COL6A2: variants seen among roughly 807,000 people sequenced by gnomAD.
COL6A2 encodes collagen type VI alpha 2 chain.
Under a neutral mutation model 124.9 loss-of-function variants are expected in COL6A2, and 90 were observed. The observed-to-expected ratio is 0.72, with a 90% CI of 0.61 to 0.86. The LOEUF (loss-of-function observed/expected upper bound fraction) is 0.86. Ranked by LOEUF, COL6A2 falls within the 40% of genes least tolerant of loss-of-function variation. The probability of loss-of-function intolerance (pLI) is 0.00; values close to 1 mark genes in which losing one functional copy is unlikely to be tolerated. For missense variants in COL6A2, 1,607 were observed against 1,502.5 expected (o/e 1.07, Z -1.15); for synonymous variants, 793 against 618.2 (o/e 1.28, Z -4.19).
chr21:46,110,645 T>G (rs2123609957), intron 1 of COL6A2, among the ~76,000 whole-genome samples: 1 of 152,202 alleles, frequency 6.6e-6, no homozygotes, highest in South Asian at 2.1e-4. Context: ...TGGACACTCC[T>G]CCCATCTGCA....
rs770337599 is a variant in COL6A2 at position 46,129,285 on chromosome 21, A to G, written c.2462-2669A>G. On this transcript the variant is annotated intron_variant, in intron 27 of 27. Transcript: ENST00000300527. ...CACCTTCCCCAGGACCATTCCCCTG[A>G]TCCAACAGTTGCTAAACGCCACGGA... The G allele has an allele frequency of 1.9e-6, 3 of 1,612,876 alleles. No homozygotes were observed. The highest frequency in any genetic ancestry group is 2.2e-5 in the East Asian group (1 of 44,862).
rs780123839 is a variant in COL6A2, at chr21:46,112,025, G to T, written c.162G>T (p.Ser54=). The T allele has an allele frequency of 6.2e-7, 1 of 1,612,748 alleles. No individual in the cohort carries two copies. Among genetic ancestry groups the T allele is most frequent in the African/African-American group, 1.3e-5 (1 of 74,888 alleles). Residue 54 remains serine, a synonymous_variant, in exon 3 of 28, where the codon TCG becomes TCT. Coordinates refer to ENST00000300527, the MANE Select transcript of COL6A2 (RefSeq NM_001849.4). The stretch of plus-strand genomic sequence containing the variant: ...ACGTGTACTTCGTGCTGGACACCTC[G>T]GAGAGCGTCACCATGCAGTCCCCCA... ...PIHVYFVLDT[S]ESVTMQSPTD...
rs542298223 is a variant in COL6A2 at position 46,122,726 on chromosome 21, A to G, written c.1609-149A>G. 94 of 898,070 alleles carry G rather than the reference A, an allele frequency of 1.0e-4. 1 individual carries two copies. Among genetic ancestry groups the G allele is most frequent in the Admixed American group, 3.2e-4 (12 of 36,980 alleles). 55.6% of individuals were successfully genotyped at this position (898,070 alleles called of 1,614,324 possible). A position where few individuals can be genotyped will look rare whatever the true frequency, so the allele number is the denominator to read the frequency against. On this transcript the variant is annotated intron_variant, in intron 20 of 27. Coordinates refer to ENST00000300527, the MANE Select transcript of COL6A2 (RefSeq NM_001849.4). ...GCCACTGGCTGGTCCCTTTTCAACC[A>G]AAGTTCAGGCTTTGCAAAAAAACCA...
chr21:46,125,636 G>A lies in COL6A2; in HGVS notation c.1969+19G>A, dbSNP rs1402893537. 1 of 1,611,162 alleles carries A rather than the reference G, an allele frequency of 6.2e-7. No homozygotes were observed. The highest frequency in any genetic ancestry group is 8.5e-7 in the Non-Finnish European group (1 of 1,179,224). The stretch of plus-strand genomic sequence containing the variant: ...GAGACAGGTCAGCGGGGCAGGGGCG[G>A]GTGCAGCATTGCGGGGGGCCGGGCG... On this transcript the variant is annotated intron_variant, in intron 25 of 27. Transcript: ENST00000300527.
rs2078547153 is a variant in COL6A2, at chr21:46,120,510, C to T, written c.1333-5C>T. On this transcript the variant is annotated splice_polypyrimidine_tract_variant and splice_region_variant and intron_variant, in intron 15 of 27. Transcript: ENST00000300527. ...ACCCGTGGGGCCTCCCTTCCCTTCC[C>T]ACAGGGGGACCCTGGCCCTGAGGGG... 1 of 1,513,016 alleles carries T rather than the reference C, an allele frequency of 6.6e-7. No homozygotes were observed. The highest frequency in any genetic ancestry group is 8.8e-7 in the Non-Finnish European group (1 of 1,132,804). The allele number at this position is 1,513,016 out of a possible 1,614,324, so 93.7% of individuals were successfully genotyped here. A position where few individuals can be genotyped will look rare whatever the true frequency, so the allele number is the denominator to read the frequency against.
intron 27 of COL6A2, among the ~76,000 whole-genome samples, 165 bp from the exon 28 acceptor site, chr21:46,131,789 T>C (rs1021261859): frequency 1.3e-5 from 2 of 152,058 alleles, no homozygotes; most frequent in African/African-American, 4.8e-5. Flanking sequence ...TGTCTTGGGC[T>C]AAGGACCCAC....
chr21:46,101,942 AAC>A (rs1491518716), intron 1 of COL6A2, among the ~76,000 whole-genome samples: 2 of 140,542 alleles, frequency 1.4e-5, no homozygotes, highest in Non-Finnish European at 3.2e-5. Context: ...TGAAAAAAAA[AAC>A]AATCACTGGG....
intron 27 of COL6A2, 123 bp downstream of exon 27, chr21:46,126,664 G>C (rs773925592): frequency 1.7e-6 from 2 of 1,180,770 alleles, no homozygotes; most frequent in African/African-American, 1.5e-5. Flanking sequence ...GAGCCACTGC[G>C]GAGGCTGCTC....
At chr21:46,112,748 C>T in intron 3 of COL6A2, 56 bp from the exon 4 acceptor site, 1 of 1,612,976 alleles carries the variant, frequency 6.2e-7, no homozygotes. Flanking sequence ...ACTCGAGGTG[C>T]AGCCGCCCCA....
chr21:46,116,125 C>T lies in COL6A2; in HGVS notation c.900+72C>T, dbSNP rs986626824. ...ACTGCCAGGCAGGCTCCCCCCAGCC[C>T]AGCCTCGGCCTCAGCCTCTACGACC... On this transcript the variant is annotated intron_variant, in intron 7 of 27. Transcript: ENST00000300527. The surrounding 1 kb of genome is among the most constrained non-coding windows in gnomAD (Gnocchi z 4.6). The T allele has an allele frequency of 8.1e-6, 12 of 1,479,072 alleles. No individual in the cohort carries two copies. Among genetic ancestry groups the T allele is most frequent in the Non-Finnish European group, 1.0e-5 (11 of 1,082,466 alleles). 91.6% of individuals were successfully genotyped at this position (1,479,072 alleles called of 1,614,324 possible).
intron 3 of COL6A2, 48 bp downstream of exon 3, chr21:46,112,625 TG>T (rs2078420810): frequency 6.2e-7 from 1 of 1,602,934 alleles, no homozygotes; most frequent in African/African-American, 1.3e-5. Flanking sequence ...GTGGCCACGG[TG>T]GGCCGTCCAC....
At position 46,109,366 on chromosome 21, in the gene COL6A2, T is replaced by C. The variant is rs187391723; in HGVS notation, c.-27-2084T>C. ...CTCAGAGAGGGGAAGTGCATGCTGA[T>C]TGGTCCATGTGCAGCCATGTGCAGG... is the stretch of plus-strand genomic sequence containing the variant. On this transcript the variant is annotated intron_variant, in intron 1 of 27. Transcript: ENST00000300527. Among the ~76,000 whole-genome samples the C allele has an allele frequency of 3.1e-4, 47 of 152,302 alleles. 1 individual carries two copies. In the East Asian group the frequency reaches 8.3e-3, roughly 27 times the overall value.
In COL6A2 at chr21:46,116,344, C is replaced by A; in HGVS notation, c.901-33C>A. ...CCCTGCCTGTGTCTCTGCAGAGCTCCTCACTAATGCCCCTCTCTCCTCCTG... is the reference window on the plus strand; with the variant it reads ...CCCTGCCTGTGTCTCTGCAGAGCTCATCACTAATGCCCCTCTCTCCTCCTG... On this transcript the variant is annotated intron_variant, in intron 7 of 27. Transcript: ENST00000300527. The surrounding 1 kb of genome is among the most constrained non-coding windows in gnomAD (Gnocchi z 4.6). The A allele has an allele frequency of 1.1e-5, 17 of 1,612,260 alleles. No individual in the cohort carries two copies. The highest frequency in any genetic ancestry group is 1.4e-5 in the Non-Finnish European group (17 of 1,179,602).
In COL6A2 at chr21:46,117,818, C is replaced by T. The variant is rs185386035; in HGVS notation, c.1054-56C>T. 4.6e-4 allele frequency: 717 copies of T among 1,556,946 alleles called. 6 individuals are homozygous for T. In the African/African-American group the frequency reaches 8.9e-3, roughly 19 times the overall value. ...ACAATGGAGCACTTGGGCCCTGGCT[C>T]ATGGGGAGAACCCCACCCGCCGTGT... is the stretch of plus-strand genomic sequence containing the variant. On this transcript the variant is annotated intron_variant, in intron 11 of 27. Coordinates refer to ENST00000300527, the MANE Select transcript of COL6A2 (RefSeq NM_001849.4).
At chr21:46,129,058 C>T in intron 27 of COL6A2, 2 of 1,600,198 alleles carry the variant, frequency 1.2e-6, no homozygotes, top group South Asian at 1.1e-5. Context: ...CACACCCGCT[C>T]CACCTGCATT....
chr21:46,124,231 G>A (rs943812892), intron 21 of COL6A2, among the ~76,000 whole-genome samples: 1 of 150,414 alleles, frequency 6.6e-6, no homozygotes, highest in Non-Finnish European at 1.5e-5. Flanking sequence ...GATGATGGAT[G>A]GGTGACTGGG....
In COL6A2 at chr21:46,132,672, C is replaced by CCT; in HGVS notation, c.*124_*125dup. ...ACTCGGACGACGCCCTGGGCCTGCA[C>CCT]CTCTCCAGCTCCTCCCACGGGGTCC... is the stretch of plus-strand genomic sequence containing the variant. On this transcript the variant is annotated 3_prime_UTR_variant, in exon 28 of 28. Coordinates refer to ENST00000300527, the MANE Select transcript of COL6A2 (RefSeq NM_001849.4). 1 of 1,031,780 alleles carries CCT rather than the reference C, an allele frequency of 9.7e-7. No individual in the cohort carries two copies. The highest frequency in any genetic ancestry group is 1.4e-5 in the South Asian group (1 of 71,900). The allele number at this position is 1,031,780 out of a possible 1,614,324, so 63.9% of individuals were successfully genotyped here.
chr21:46,126,364 G>A, intron 26 of COL6A2, 127 bp downstream of exon 26: 1 of 1,506,970 alleles, frequency 6.6e-7, no homozygotes, highest in South Asian at 1.1e-5. Flanking sequence ...GCTGTGGGTG[G>A]GAAGGGGTCG....
intron 27 of COL6A2, among the ~76,000 whole-genome samples, chr21:46,128,193 C>A (rs1477611891): frequency 5.9e-5 from 9 of 152,288 alleles, no homozygotes; most frequent in Admixed American, 5.9e-4. Flanking sequence ...GGGAAAGCAG[C>A]CAGGGAGGAC....
Sources: gnomAD v4.1 joint callset for allele counts (sites outside exome capture counted in the v4.1 genomes callset) on GRCh38, gnomAD v4.1.1 for gene constraint, Gnocchi (gnomAD v3.1) non-coding constraint, MANE v1.5 for transcripts, NCBI Gene and HGNC (gene_info 2026-07-23, HGNC 2026-07-21) for gene names.